Variants in IQGAP2 observed in about 807,000 individuals in gnomAD.
The protein encoded by IQGAP2 is IQ motif containing GTPase activating protein 2.
A neutral mutation model predicts 201.3 loss-of-function variants in IQGAP2; 173 were observed. The observed-to-expected ratio is 0.86, with a 90% CI of 0.76 to 0.98. The LOEUF (loss-of-function observed/expected upper bound fraction) is 0.98, where lower values mean the gene tolerates loss of function less well. Ranked by LOEUF, IQGAP2 falls within the 50% of genes least tolerant of loss-of-function variation. The probability of loss-of-function intolerance (pLI) is 0.00; values close to 1 mark genes in which losing one functional copy is unlikely to be tolerated. For synonymous variants in IQGAP2, 675 were observed against 673.9 expected, an observed-to-expected ratio of 1.00 and a Z score of -0.03; for missense variants, 1,687 against 1,864.8, an observed-to-expected ratio of 0.90 and a Z score of 1.76.
chr5:76,689,211 T>C (rs1746042395), intron 30 of IQGAP2, among the ~76,000 whole-genome samples: 1 of 111,666 alleles, frequency 9.0e-6, no homozygotes, highest in Admixed American at 1.2e-4. Context: ...TTTCTAATAC[T>C]ACCAAGCACA....
At chr5:76,568,814 C>T (rs1744916882) in intron 3 of IQGAP2, among the ~76,000 whole-genome samples, 1 of 152,230 alleles carries the variant, frequency 6.6e-6, no homozygotes, top group East Asian at 1.9e-4. Context: ...TGAATAGGGA[C>T]TTAGATTGTC....
chr5:76,619,566 G>A (rs2069676), intron 13 of IQGAP2, among the ~76,000 whole-genome samples: 4 of 146,452 alleles, frequency 2.7e-5, no homozygotes, highest in Admixed American at 2.1e-4. Flanking sequence ...GCCCAGGCTG[G>A]AGTGCAGTGG....
At chr5:76,643,208 A>G (rs1222544578) in intron 17 of IQGAP2, among the ~76,000 whole-genome samples, 1 of 152,244 alleles carries the variant, frequency 6.6e-6, no homozygotes, top group Non-Finnish European at 1.5e-5. Flanking sequence ...AAATAAGAAG[A>G]CAATAGAATA....
rs759307808 is a variant in IQGAP2, at chr5:76,575,710, A to C, written c.399A>C (p.Thr133=). The change falls in exon 5 of 36, where the codon ACA becomes ACC. Residue 133 remains threonine, a synonymous_variant. Transcript: ENST00000274364. ...TTTTCCAGATATTTTATCCAGAAAC[A>C]ACAGATGTCTATGATCGGAAAAACA... The part of the protein sequence containing the change: ...IGLPKIFYPE[T]TDVYDRKNIP... 6.3e-7 allele frequency: 1 copy of C among 1,586,352 alleles called. No homozygotes were observed.
chr5:76,528,516 A>G (rs1396666446), intron 2 of IQGAP2, among the ~76,000 whole-genome samples: 1 of 152,148 alleles, frequency 6.6e-6, no homozygotes, highest in Non-Finnish European at 1.5e-5. Context: ...TGCCTCTTTT[A>G]CAAAACCAGG....
At chr5:76,634,577 C>A (rs1047673112) in intron 15 of IQGAP2, among the ~76,000 whole-genome samples, 1 of 152,060 alleles carries the variant, frequency 6.6e-6, no homozygotes, top group Admixed American at 6.6e-5. Context: ...TCTGACTCTA[C>A]GGAAAACGTT....
At chr5:76,556,849 A>G (rs1451615511) in intron 2 of IQGAP2, among the ~76,000 whole-genome samples, 1 of 152,168 alleles carries the variant, frequency 6.6e-6, no homozygotes, top group African/African-American at 2.4e-5. Flanking sequence ...GGCCTTCCTG[A>G]GGAGGTGACT....
At chr5:76,650,963 A>G (rs1273440511) in intron 17 of IQGAP2, among the ~76,000 whole-genome samples, 1 of 152,228 alleles carries the variant, frequency 6.6e-6, no homozygotes, top group Non-Finnish European at 1.5e-5. Flanking sequence ...TGGGCTAGAT[A>G]TATTGAAAAT....
At chr5:76,422,206 G>T (rs535099362) in intron 1 of IQGAP2, among the ~76,000 whole-genome samples, 1 of 152,298 alleles carries the variant, frequency 6.6e-6, no homozygotes, top group Non-Finnish European at 1.5e-5. Context: ...GCAAAAGGTG[G>T]CAGGAGCATG....
rs2069649 is a variant in IQGAP2 at position 76,623,187 on chromosome 5, A to G, written c.1522-4223A>G. ...CTTACCACTCTGACAAAAAGTGGGCAACAGAAGCAGGAGGCCAGCAGCTGC... is the reference window on the plus strand; with the variant it reads ...CTTACCACTCTGACAAAAAGTGGGCGACAGAAGCAGGAGGCCAGCAGCTGC... On this transcript the variant is annotated intron_variant, in intron 13 of 35. Coordinates refer to ENST00000274364, the MANE Select transcript of IQGAP2 (RefSeq NM_006633.5). 3.3e-4 allele frequency: 540 copies of G among 1,614,262 alleles called. 2 individuals carry two copies. The African/African-American group carries it at 6.6e-3, about 20-fold the overall frequency.
chr5:76,521,838 G>T (rs2150195613), intron 2 of IQGAP2, among the ~76,000 whole-genome samples: 1 of 152,224 alleles, frequency 6.6e-6, no homozygotes, highest in East Asian at 1.9e-4. Context: ...ATAGGTCTGA[G>T]AATTTACATT....
chr5:76,538,687 A>T (rs1240104547), intron 2 of IQGAP2, among the ~76,000 whole-genome samples: 1 of 152,144 alleles, frequency 6.6e-6, no homozygotes, highest in Non-Finnish European at 1.5e-5. Context: ...GTGCCCTGTT[A>T]AATCCCCCCT....
chr5:76,493,507 G>T (rs1320475153), intron 2 of IQGAP2, among the ~76,000 whole-genome samples: 1 of 151,966 alleles, frequency 6.6e-6, no homozygotes, highest in African/African-American at 2.4e-5. Flanking sequence ...TGACCCCTCT[G>T]ACCCTGTCCT....
intron 1 of IQGAP2, among the ~76,000 whole-genome samples, chr5:76,438,896 C>T (rs530725913): frequency 6.6e-6 from 1 of 152,032 alleles, no homozygotes; most frequent in East Asian, 1.9e-4. Context: ...TCATTTAGTT[C>T]TGCTCTAATC....
At chr5:76,518,119 A>G (rs189199267) in intron 2 of IQGAP2, among the ~76,000 whole-genome samples, 411 of 152,128 alleles carry the variant, frequency 2.7e-3, no homozygotes, top group African/African-American at 9.5e-3. Context: ...CACCATGCCC[A>G]GGTAATTTTT....
intron 15 of IQGAP2, among the ~76,000 whole-genome samples, chr5:76,633,683 A>G (rs1365467594): frequency 6.6e-6 from 1 of 152,154 alleles, no homozygotes; most frequent in Non-Finnish European, 1.5e-5. Flanking sequence ...AATACTTATT[A>G]GCAGTAAATC....
chr5:76,645,828 TAA>T (rs11320312), intron 17 of IQGAP2, among the ~76,000 whole-genome samples: 124 of 147,896 alleles, frequency 8.4e-4, no homozygotes, highest in South Asian at 1.5e-3. Flanking sequence ...CTTAGTATAT[TAA>T]AAAAAAAAAA....
Position 76,669,639 on chromosome 5 carries a change from A to G in IQGAP2, c.2843+795A>G, listed in dbSNP as rs540806715. On this transcript the variant is annotated intron_variant, in intron 23 of 35. Coordinates refer to ENST00000274364, the MANE Select transcript of IQGAP2 (RefSeq NM_006633.5). ...ACAGCTACAATTTTTATAAGAAGAGATAGAAGAGGGAAATAAGGCACAATG... is the reference window on the plus strand; with the variant it reads ...ACAGCTACAATTTTTATAAGAAGAGGTAGAAGAGGGAAATAAGGCACAATG... 2.0e-5 allele frequency among the ~76,000 whole-genome samples: 3 copies of G among 152,294 alleles called. No homozygotes were observed. The East Asian group carries it at 5.8e-4, about 29-fold the overall frequency.
chr5:76,683,701 C>G, intron 29 of IQGAP2, 75 bp from the exon 30 acceptor site: 2 of 1,404,096 alleles, frequency 1.4e-6, no homozygotes, highest in East Asian at 2.4e-5. Context: ...TCCCACAGAA[C>G]CTTTATCTTA....
Sources: gnomAD v4.1 joint callset for allele counts (sites outside exome capture counted in the v4.1 genomes callset) on GRCh38, gnomAD v4.1.1 for gene constraint, MANE v1.5 for transcripts, NCBI Gene and HGNC (gene_info 2026-07-23, HGNC 2026-07-21) for gene names.